Variants in RPS6KA6 observed in about 807,000 individuals in gnomAD.
RPS6KA6 encodes ribosomal protein S6 kinase A6.
A neutral mutation model predicts 65.4 loss-of-function variants in RPS6KA6; 27 were observed. The ratio of observed to expected loss-of-function variants is 0.41; its 90% CI spans 0.30 to 0.57. The LOEUF is 0.57. Ranked by LOEUF, RPS6KA6 falls within the 20% of genes least tolerant of loss-of-function variation. The pLI, the probability that RPS6KA6 is intolerant of heterozygous loss-of-function variation, is 0.24. For missense variants in RPS6KA6, 486 were observed against 555.6 expected (o/e 0.87, Z 1.26); for synonymous variants, 190 against 184.2 (o/e 1.03, Z -0.26).
chrX:84,133,626 T>C (rs936228076), intron 8 of RPS6KA6, among the ~76,000 whole-genome samples: 1 of 111,374 alleles, frequency 9.0e-6, no homozygotes, highest in Admixed American at 9.6e-5. Context: ...TTCTACTCTT[T>C]TTCCCACCTC....
intron 18 of RPS6KA6, among the ~76,000 whole-genome samples, chrX:84,098,550 G>T (rs1047363026): frequency 2.7e-5 from 3 of 111,037 alleles, no homozygotes; most frequent in African/African-American, 9.8e-5. Flanking sequence ...AAAATAAAGA[G>T]ATGAAATGAG....
chrX:84,058,961 CTGTT>C lies in RPS6KA6; in HGVS notation c.*5312_*5315del, dbSNP rs2033252385. 1 of 100,940 alleles carries C rather than the reference CTGTT, an allele frequency of 9.9e-6. No homozygotes were observed. Among genetic ancestry groups the C allele is most frequent in the Non-Finnish European group, 2.0e-5 (1 of 50,889 alleles). The allele number at this position is 100,940 out of a possible 1,213,427, so 8.3% of individuals were successfully genotyped here. On this transcript the variant is annotated 3_prime_UTR_variant, in exon 22 of 22. Transcript: ENST00000262752. ...AACTCCCAACTACCAACAGTACTTC[CTGTT>C]TTTTTTTTTTTTTATCAAACAGAAA... is the stretch of plus-strand genomic sequence containing the variant.
chrX:84,128,071 C>T (rs6622924), intron 8 of RPS6KA6, among the ~76,000 whole-genome samples: 5,647 of 110,974 alleles, frequency 0.051, 198 homozygotes, highest in East Asian at 0.2. Context: ...TTTGGAAAAA[C>T]CTAAAGACTC....
At chrX:84,150,978 G>GAT (rs1180965431) in intron 3 of RPS6KA6, among the ~76,000 whole-genome samples, 6 of 86,340 alleles carry the variant, frequency 6.9e-5, no homozygotes, top group East Asian at 3.5e-4. Flanking sequence ...ATATATATAG[G>GAT]ATATATATAT....
At chrX:84,170,621 C>T (rs1211270406) in intron 1 of RPS6KA6, among the ~76,000 whole-genome samples, 1 of 110,337 alleles carries the variant, frequency 9.1e-6, no homozygotes, top group Non-Finnish European at 1.9e-5. Flanking sequence ...CAGAGTGAGA[C>T]TCTGGCTCAA....
intron 1 of RPS6KA6, among the ~76,000 whole-genome samples, chrX:84,185,769 AATT>A (rs929341695): frequency 8.9e-6 from 1 of 111,965 alleles, no homozygotes; most frequent in African/African-American, 3.2e-5. Flanking sequence ...TTAGTCCTAA[AATT>A]ATCACAATTG....
At chrX:84,149,852 G>A (rs982368333) in intron 3 of RPS6KA6, among the ~76,000 whole-genome samples, 1 of 111,813 alleles carries the variant, frequency 8.9e-6, no homozygotes, top group Non-Finnish European at 1.9e-5. Context: ...AAGAGAGTCA[G>A]CCTGTCCTTC....
At chrX:84,084,963 A>G (rs933722432) in intron 20 of RPS6KA6, among the ~76,000 whole-genome samples, 1 of 111,031 alleles carries the variant, frequency 9.0e-6, no homozygotes, top group African/African-American at 3.3e-5. Flanking sequence ...TTCTTTTTGT[A>G]GCAATTGTGA....
intron 8 of RPS6KA6, among the ~76,000 whole-genome samples, chrX:84,129,413 A>C (rs778441081): frequency 1.2e-3 from 135 of 111,649 alleles, no homozygotes; most frequent in African/African-American, 4.0e-3. Context: ...AAATCAGCAC[A>C]ACCACTATGG....
intron 1 of RPS6KA6, among the ~76,000 whole-genome samples, chrX:84,176,333 T>C (rs1261117215): frequency 1.8e-5 from 2 of 112,070 alleles, no homozygotes; most frequent in Admixed American, 1.9e-4. Context: ...AATATAAGTA[T>C]TCATGTGGTA....
intron 4 of RPS6KA6, 100 bp from the exon 5 acceptor site, chrX:84,147,158 G>A (rs766195710): frequency 2.0e-5 from 10 of 501,899 alleles, no homozygotes; most frequent in South Asian, 1.0e-4. Context: ...AATACAAAAC[G>A]TAACTTCCTA....
At chrX:84,095,035 G>A (rs758977744) in intron 20 of RPS6KA6, among the ~76,000 whole-genome samples, 2 of 111,860 alleles carry the variant, frequency 1.8e-5, no homozygotes, top group East Asian at 2.8e-4. Context: ...AAAGATTAGC[G>A]CTCAGTTTTC....
chrX:84,126,189 G>A (rs1012760159), intron 8 of RPS6KA6, among the ~76,000 whole-genome samples: 9 of 111,216 alleles, frequency 8.1e-5, no homozygotes, highest in African/African-American at 2.9e-4. Flanking sequence ...CCACAAAGGA[G>A]CAGGAGTAGT....
intron 8 of RPS6KA6, among the ~76,000 whole-genome samples, chrX:84,134,015 A>G (rs1293920770): frequency 8.9e-6 from 1 of 112,206 alleles, no homozygotes; most frequent in Admixed American, 9.5e-5. Flanking sequence ...TTATCTGTAA[A>G]GACTACATCT....
At chrX:84,135,893 G>C (rs2034983766) in intron 6 of RPS6KA6, among the ~76,000 whole-genome samples, 1 of 111,543 alleles carries the variant, frequency 9.0e-6, no homozygotes, top group Admixed American at 9.5e-5. Flanking sequence ...GAAGAGTAAT[G>C]AACTTGAAAT....
Position 84,096,175 on chromosome X carries a change from A to C in RPS6KA6, c.1971+19T>G, listed in dbSNP as rs2034153389. 1.9e-6 allele frequency: 2 copies of C among 1,031,549 alleles called. No individual in the cohort carries two copies. Among genetic ancestry groups the C allele is most frequent in the African/African-American group, 1.9e-5 (1 of 53,707 alleles). 85.0% of individuals were successfully genotyped at this position (1,031,549 alleles called of 1,213,427 possible). On this transcript the variant is annotated intron_variant, in intron 20 of 21. Coordinates refer to ENST00000262752, the MANE Select transcript of RPS6KA6 (RefSeq NM_014496.5). ...CAATTTAACATGAATGCAACAAAAC[A>C]AAACATTATAATTTATACCTTTGCT...
intron 17 of RPS6KA6, among the ~76,000 whole-genome samples, chrX:84,102,450 A>G (rs1484285684): frequency 9.1e-6 from 1 of 110,446 alleles, no homozygotes; most frequent in Non-Finnish European, 1.9e-5. Flanking sequence ...TAATCTCAAT[A>G]TATCTAAGCT....
In RPS6KA6 at chrX:84,077,379, G is replaced by A. The variant is rs779222493; in HGVS notation, c.1972-12268C>T. On this transcript the variant is annotated intron_variant, in intron 20 of 21. Transcript: ENST00000262752. ...TTCAAAATTTAATTATAAAGCAACA[G>A]TAACGAAGATAGTATGGTAATAGTG... Among the ~76,000 whole-genome samples the A allele has an allele frequency of 1.4e-4, 16 of 111,795 alleles. 1 individual carries two copies. In the South Asian group the frequency reaches 4.4e-3, roughly 31 times the overall value.
chrX:84,150,804 GAGGATATATAT>G (rs1279560271), intron 3 of RPS6KA6, among the ~76,000 whole-genome samples: 2 of 102,963 alleles, frequency 1.9e-5, no homozygotes, highest in Admixed American at 1.1e-4. Flanking sequence ...AATATATAGA[GAGGATATATAT>G]AGGATATATA....
Sources: gnomAD v4.1 joint callset for allele counts (sites outside exome capture counted in the v4.1 genomes callset) on GRCh38, gnomAD v4.1.1 for gene constraint, MANE v1.5 for transcripts, NCBI Gene and HGNC (gene_info 2026-07-23, HGNC 2026-07-21) for gene names.